The following SYT14 variants were observed in gnomAD, a reference collection of about 807,000 sequenced individuals.
SYT14 encodes synaptotagmin 14.
In SYT14, 32 loss-of-function variants were observed where a neutral mutation model predicts 74.2. That is an observed-to-expected ratio of 0.43 (90% CI 0.33 to 0.58). The LOEUF (loss-of-function observed/expected upper bound fraction) is 0.58, where lower values mean the gene tolerates loss of function less well. SYT14 is among the 20% of genes least tolerant of loss of function. The pLI, the probability that SYT14 is intolerant of heterozygous loss-of-function variation, is 0.05. For missense variants in SYT14, 791 were observed against 981.8 expected (o/e 0.81, Z 2.60); for synonymous variants, 298 against 337.7 (o/e 0.88, Z 1.29).
At chr1:209,965,128 G>A (rs1306095306) in intron 2 of SYT14, among the ~76,000 whole-genome samples, 1 of 152,158 alleles carries the variant, frequency 6.6e-6, no homozygotes, top group Non-Finnish European at 1.5e-5. Flanking sequence ...TTGTTACATG[G>A]ATATATTAAT....
intron 7 of SYT14, among the ~76,000 whole-genome samples, chr1:210,107,752 A>G (rs2082185477): frequency 6.6e-6 from 1 of 152,150 alleles, no homozygotes; most frequent in South Asian, 2.1e-4. Context: ...TAAAATAGCT[A>G]TAGTTTGATC....
intron 2 of SYT14, among the ~76,000 whole-genome samples, chr1:209,953,608 G>A (rs2078946710): frequency 6.6e-6 from 1 of 152,146 alleles, no homozygotes. Flanking sequence ...AGGCATGGCA[G>A]GAAAATATCA....
intron 2 of SYT14, among the ~76,000 whole-genome samples, chr1:210,011,794 A>T (rs2080091332): frequency 6.6e-6 from 1 of 152,174 alleles, no homozygotes; most frequent in South Asian, 2.1e-4. Flanking sequence ...AGAAAAGTAG[A>T]TTATACAGGG....
intron 7 of SYT14, among the ~76,000 whole-genome samples, chr1:210,151,412 A>C (rs1298889724): frequency 6.6e-6 from 1 of 151,498 alleles, no homozygotes; most frequent in Non-Finnish European, 1.5e-5. Flanking sequence ...TTTGAGACAG[A>C]TCTCGCTATG....
intron 5 of SYT14, among the ~76,000 whole-genome samples, chr1:210,030,272 G>T (rs1231379103): frequency 6.6e-6 from 1 of 151,966 alleles, no homozygotes; most frequent in Non-Finnish European, 1.5e-5. Flanking sequence ...CTCCCGAGTA[G>T]CTGGGATTAC....
intron 5 of SYT14, among the ~76,000 whole-genome samples, chr1:210,063,457 C>A (rs2081242189): frequency 6.6e-6 from 1 of 151,424 alleles, no homozygotes; most frequent in Admixed American, 6.6e-5. Flanking sequence ...ACATCATATT[C>A]CTTGTCAAAT....
At chr1:210,115,836 C>T (rs1215055263) in intron 7 of SYT14, among the ~76,000 whole-genome samples, 6 of 151,238 alleles carry the variant, frequency 4.0e-5, no homozygotes, top group South Asian at 4.1e-4. Context: ...GTCTGAGTCA[C>T]GGCACCAAAT....
chr1:210,017,467 C>CT (rs1381437492), intron 4 of SYT14, among the ~76,000 whole-genome samples: 1 of 152,120 alleles, frequency 6.6e-6, no homozygotes, highest in South Asian at 2.1e-4. Flanking sequence ...TTTTATATAA[C>CT]TAACTCTGAA....
chr1:210,029,186 T>A (rs1304111669), intron 5 of SYT14, among the ~76,000 whole-genome samples: 1 of 152,202 alleles, frequency 6.6e-6, no homozygotes, highest in Non-Finnish European at 1.5e-5. Flanking sequence ...TTATCAGATA[T>A]ATGGTTTGCA....
At chr1:209,976,721 C>T (rs1661686354) in intron 2 of SYT14, among the ~76,000 whole-genome samples, 1 of 152,030 alleles carries the variant, frequency 6.6e-6, no homozygotes, top group Admixed American at 6.5e-5. Context: ...GTATTAGGTC[C>T]ACTTGGTGCA....
chr1:210,054,046 T>G (rs1395171506), intron 5 of SYT14, among the ~76,000 whole-genome samples: 1 of 152,190 alleles, frequency 6.6e-6, no homozygotes, highest in Non-Finnish European at 1.5e-5. Context: ...TGCTCTATTG[T>G]CTTCTCACTA....
chr1:210,039,853 T>C (rs2080749085), intron 5 of SYT14, among the ~76,000 whole-genome samples: 1 of 152,116 alleles, frequency 6.6e-6, no homozygotes, highest in Non-Finnish European at 1.5e-5. Context: ...CCAGTTAGAA[T>C]GGTGATCATT....
chr1:209,997,609 A>G (rs1398586350), intron 2 of SYT14, among the ~76,000 whole-genome samples: 1 of 152,136 alleles, frequency 6.6e-6, no homozygotes, highest in Non-Finnish European at 1.5e-5. Flanking sequence ...AGAATTAAAA[A>G]AAGGCTATTC....
At chr1:210,103,173 C>T (rs909715980) in intron 7 of SYT14, among the ~76,000 whole-genome samples, 1 of 151,640 alleles carries the variant, frequency 6.6e-6, no homozygotes, top group African/African-American at 2.4e-5. Context: ...TTTGCAGGAA[C>T]TGATTGAGAG....
intron 7 of SYT14, among the ~76,000 whole-genome samples, chr1:210,142,607 C>G (rs1400185698): frequency 6.6e-6 from 1 of 152,000 alleles, no homozygotes; most frequent in Non-Finnish European, 1.5e-5. Context: ...CCAAAATGGC[C>G]ATTCAGTTAA....
intron 7 of SYT14, among the ~76,000 whole-genome samples, chr1:210,121,104 G>C (rs959831313): frequency 6.6e-6 from 1 of 152,126 alleles, no homozygotes; most frequent in Non-Finnish European, 1.5e-5. Flanking sequence ...GCCTCTCTGT[G>C]CCTCATTTTC....
At chr1:209,991,535 C>T (rs2079685872) in intron 2 of SYT14, among the ~76,000 whole-genome samples, 2 of 152,150 alleles carry the variant, frequency 1.3e-5, no homozygotes, top group African/African-American at 4.8e-5. Context: ...AAAAAATGCT[C>T]AACATCACTA....
chr1:210,080,357 A>T (rs1470779527), intron 5 of SYT14, among the ~76,000 whole-genome samples: 7 of 152,344 alleles, frequency 4.6e-5, no homozygotes, highest in South Asian at 2.1e-4. Context: ...GGAAATTTTT[A>T]AAATAATTGT....
chr1:210,119,206 G>A (rs1022259219), intron 7 of SYT14, among the ~76,000 whole-genome samples: 2 of 152,258 alleles, frequency 1.3e-5, no homozygotes, highest in East Asian at 3.9e-4. Context: ...GGATATATCT[G>A]CTGAGACAGT....
Sources: allele counts gnomAD v4.1 joint callset (sites outside exome capture counted in the v4.1 genomes callset), GRCh38; gene constraint gnomAD v4.1.1; transcripts MANE v1.5; gene names NCBI Gene and HGNC (gene_info 2026-07-23, HGNC 2026-07-21).